Variants in ATG7 observed in about 807,000 individuals in gnomAD.
ATG7 encodes the protein autophagy related 7, also known as ubiquitin-like modifier-activating enzyme ATG7.
ATG7 carries 70 observed loss-of-function variants against 82.4 expected under a neutral mutation model. The observed-to-expected ratio is 0.85, with a 90% CI of 0.70 to 1.04. The LOEUF (loss-of-function observed/expected upper bound fraction) is 1.04, where lower values mean the gene tolerates loss of function less well. Ranked by LOEUF, ATG7 falls within the 50% of genes least tolerant of loss-of-function variation. The probability of loss-of-function intolerance (pLI) is 0.00; values close to 1 mark genes in which losing one functional copy is unlikely to be tolerated. For missense variants in ATG7, 792 were observed against 864.3 expected (o/e 0.92, Z 1.05); for synonymous variants, 287 against 313.0 (o/e 0.92, Z 0.88).
In ATG7 at chr3:11,431,986, G is replaced by T. The variant is rs114541468; in HGVS notation, c.2079+5060G>T. On this transcript the variant is annotated intron_variant, in intron 20 of 20. Coordinates refer to ENST00000693202, the MANE Select transcript of ATG7 (RefSeq NM_001349232.2). ...CCCTGTCCATCAGGTACCTGGAAAT[G>T]ATTGCAATGATTTTGAACTAGGTTA... Among the ~76,000 whole-genome samples, 355 of 152,342 alleles carry T rather than the reference G, an allele frequency of 2.3e-3. 4 individuals are homozygous for T. Among genetic ancestry groups the T allele is most frequent in the Non-Finnish European group, 4.3e-3 (295 of 68,032 alleles).
At chr3:11,520,961 A>G (rs896428322) in intron 20 of ATG7, among the ~76,000 whole-genome samples, 11 of 152,162 alleles carry the variant, frequency 7.2e-5, no homozygotes, top group East Asian at 3.9e-4. Flanking sequence ...AAGGCTGCCT[A>G]TTAGCATCAG....
In ATG7 at chr3:11,557,453, G is replaced by A. The variant is rs879745143; in HGVS notation, c.*2610G>A. The A allele has an allele frequency of 9.2e-5, 14 of 152,590 alleles. No individual in the cohort carries two copies. The highest frequency in any genetic ancestry group is 5.9e-4 in the Admixed American group (9 of 15,274). 9.5% of individuals were successfully genotyped at this position (152,590 alleles called of 1,614,324 possible). A position where few individuals can be genotyped will look rare whatever the true frequency, so the allele number is the denominator to read the frequency against. On this transcript the variant is annotated 3_prime_UTR_variant, in exon 21 of 21. Transcript: ENST00000693202. The stretch of plus-strand genomic sequence containing the variant: ...GGGAGCTTGTAACAAAGCAGACAGG[G>A]ATGCAAAAATAAATGATGTCAGCCT...
chr3:11,325,307 A>G (rs1041578789), intron 9 of ATG7, among the ~76,000 whole-genome samples: 39 of 152,180 alleles, frequency 2.6e-4, no homozygotes, highest in African/African-American at 8.7e-4. Flanking sequence ...CAGTGTATTT[A>G]TGTTGCTTTT....
chr3:11,377,399 A>C (rs9877694), intron 18 of ATG7, among the ~76,000 whole-genome samples: 125,538 of 152,072 alleles, frequency 0.83, 52,007 homozygotes, highest in East Asian at 1. Flanking sequence ...TTCAACCAAT[A>C]CCGTGCACGG....
At chr3:11,374,761 A>G (rs1367983338) in intron 18 of ATG7, among the ~76,000 whole-genome samples, 2 of 152,044 alleles carry the variant, frequency 1.3e-5, no homozygotes, top group Admixed American at 6.6e-5. Context: ...AAAATTAGCC[A>G]GGCGTGGTGG....
chr3:11,528,644 G>A (rs950217880), intron 20 of ATG7, among the ~76,000 whole-genome samples: 2 of 151,954 alleles, frequency 1.3e-5, no homozygotes, highest in Admixed American at 6.6e-5. Context: ...TGGCCAATAT[G>A]GTGAAACCCC....
At chr3:11,525,008 T>G (rs1234685803) in intron 20 of ATG7, among the ~76,000 whole-genome samples, 2 of 152,082 alleles carry the variant, frequency 1.3e-5, no homozygotes, top group Non-Finnish European at 2.9e-5. Flanking sequence ...AGGGTATTTA[T>G]TCCTCTGTCT....
intron 19 of ATG7, among the ~76,000 whole-genome samples, chr3:11,383,365 T>A (rs1381476464): frequency 6.6e-6 from 1 of 152,198 alleles, no homozygotes; most frequent in Non-Finnish European, 1.5e-5. Context: ...TCGATTCAGG[T>A]TATGAATTTT....
intron 20 of ATG7, among the ~76,000 whole-genome samples, chr3:11,475,252 C>T (rs1489920063): frequency 3.9e-5 from 6 of 152,056 alleles, no homozygotes; most frequent in Admixed American, 1.3e-4. Flanking sequence ...TCCAGTCATG[C>T]GGGTTTATGT....
intron 20 of ATG7, among the ~76,000 whole-genome samples, chr3:11,435,643 G>A (rs946336188): frequency 6.6e-6 from 1 of 152,190 alleles, no homozygotes; most frequent in African/African-American, 2.4e-5. Flanking sequence ...AGACTGCCAT[G>A]TTCCTCTGTG....
intron 20 of ATG7, among the ~76,000 whole-genome samples, chr3:11,492,340 TAC>T (rs2090441229): frequency 6.6e-6 from 1 of 152,196 alleles, no homozygotes; most frequent in African/African-American, 2.4e-5. Context: ...GTGCTCTGCA[TAC>T]ACTGTCCTGC....
At chr3:11,465,306 A>G (rs1329030000) in intron 20 of ATG7, among the ~76,000 whole-genome samples, 1 of 151,902 alleles carries the variant, frequency 6.6e-6, no homozygotes, top group Admixed American at 6.6e-5. Context: ...TTAGCTGTGC[A>G]TGGTGGTGGG....
chr3:11,394,215 A>G (rs998787995), intron 19 of ATG7, among the ~76,000 whole-genome samples: 2 of 152,166 alleles, frequency 1.3e-5, no homozygotes, highest in Non-Finnish European at 2.9e-5. Flanking sequence ...ATACCATAGA[A>G]CTTTTTCACC....
chr3:11,414,404 A>G (rs1354859273), intron 19 of ATG7, among the ~76,000 whole-genome samples: 3 of 152,132 alleles, frequency 2.0e-5, no homozygotes, highest in African/African-American at 7.2e-5. Flanking sequence ...CACCCTATGT[A>G]TCCTGCAGTG....
intron 20 of ATG7, among the ~76,000 whole-genome samples, chr3:11,531,219 G>A (rs915534801): frequency 6.6e-6 from 1 of 152,164 alleles, no homozygotes. Context: ...CTAGAAGAAG[G>A]GGGGGCTGTG....
chr3:11,327,026 C>T (rs2152746680), intron 9 of ATG7, among the ~76,000 whole-genome samples: 1 of 152,296 alleles, frequency 6.6e-6, no homozygotes, highest in South Asian at 2.1e-4. Context: ...TCAGGCATCA[C>T]TTTTCCTGCT....
chr3:11,339,662 A>C (rs1031398173), intron 11 of ATG7, among the ~76,000 whole-genome samples: 1 of 152,228 alleles, frequency 6.6e-6, no homozygotes, highest in African/African-American at 2.4e-5. Context: ...GTGTTCTGCA[A>C]AGCAATTGAG....
chr3:11,415,668 C>T (rs1278219875), intron 19 of ATG7, among the ~76,000 whole-genome samples: 7 of 152,070 alleles, frequency 4.6e-5, no homozygotes, highest in African/African-American at 7.2e-5. Context: ...ACCTCTACAT[C>T]GTGACCCACT....
intron 20 of ATG7, among the ~76,000 whole-genome samples, chr3:11,545,630 C>G (rs2125042631): frequency 6.6e-6 from 1 of 152,320 alleles, no homozygotes; most frequent in South Asian, 2.1e-4. Context: ...AGCCCTGTCC[C>G]CTCTCTGGGC....
Sources: allele counts gnomAD v4.1 joint callset (sites outside exome capture counted in the v4.1 genomes callset), GRCh38; gene constraint gnomAD v4.1.1; transcripts MANE v1.5; gene names NCBI Gene and HGNC (gene_info 2026-07-23, HGNC 2026-07-21).